The following SEMA6D variants were observed in gnomAD, a reference collection of about 807,000 sequenced individuals.
SEMA6D encodes semaphorin-6D.
A neutral mutation model predicts 106.6 loss-of-function variants in SEMA6D; 35 were observed. That is an observed-to-expected ratio of 0.33 (90% CI 0.25 to 0.44). The LOEUF (loss-of-function observed/expected upper bound fraction) is 0.44. Ranked by LOEUF, SEMA6D falls within the 20% of genes least tolerant of loss-of-function variation. The probability of loss-of-function intolerance (pLI) is 1.00; values close to 1 mark genes in which losing one functional copy is unlikely to be tolerated. For synonymous variants in SEMA6D, 499 were observed against 487.7 expected, an observed-to-expected ratio of 1.02 and a Z score of -0.31; for missense variants, 1,185 against 1,345.9, an observed-to-expected ratio of 0.88 and a Z score of 1.87.
chr15:47,508,491 T>C (rs1022160197), intron 3 of SEMA6D, among the ~76,000 whole-genome samples: 1 of 152,236 alleles, frequency 6.6e-6, no homozygotes, highest in Non-Finnish European at 1.5e-5. Flanking sequence ...TGCCCACATA[T>C]GTAATTCACT....
At chr15:47,654,122 T>C (rs1378316397) in intron 4 of SEMA6D, among the ~76,000 whole-genome samples, 2 of 152,206 alleles carry the variant, frequency 1.3e-5, no homozygotes, top group Non-Finnish European at 2.9e-5. Flanking sequence ...GAAGGGATGA[T>C]GATCATTTTT....
intron 1 of SEMA6D, among the ~76,000 whole-genome samples, chr15:47,277,859 G>A (rs1211255535): frequency 5.4e-5 from 8 of 148,746 alleles, no homozygotes; most frequent in African/African-American, 2.0e-4. Flanking sequence ...GAGAATATGA[G>A]GTGTTTGGTT....
intron 3 of SEMA6D, among the ~76,000 whole-genome samples, chr15:47,587,277 C>T (rs1446959511): frequency 1.3e-5 from 2 of 151,232 alleles, no homozygotes; most frequent in African/African-American, 2.4e-5. Context: ...GTCCCATCAC[C>T]TCCTCTACAC....
At chr15:47,390,053 C>G (rs2039974565) in intron 1 of SEMA6D, among the ~76,000 whole-genome samples, 1 of 152,146 alleles carries the variant, frequency 6.6e-6, no homozygotes, top group Non-Finnish European at 1.5e-5. Context: ...CATAGTAATA[C>G]TGACCGACAA....
intron 1 of SEMA6D, among the ~76,000 whole-genome samples, chr15:47,744,588 G>T (rs2081015395): frequency 6.6e-6 from 1 of 152,120 alleles, no homozygotes; most frequent in Non-Finnish European, 1.5e-5. Flanking sequence ...TGCACCCTCT[G>T]CCATTTCATC....
intron 1 of SEMA6D, among the ~76,000 whole-genome samples, chr15:47,315,859 G>A (rs2036647990): frequency 6.6e-6 from 1 of 151,962 alleles, no homozygotes; most frequent in Non-Finnish European, 1.5e-5. Flanking sequence ...CATTTAAATA[G>A]TATTGCATTT....
chr15:47,347,703 C>T lies in SEMA6D; in HGVS notation c.-238-64690C>T, dbSNP rs186803612. Among the ~76,000 whole-genome samples, 12 of 152,286 alleles carry T rather than the reference C, an allele frequency of 7.9e-5. No individual in the cohort carries two copies. In the East Asian group the frequency reaches 2.3e-3, roughly 29 times the overall value. On this transcript the variant is annotated intron_variant, in intron 1 of 19. Transcript: ENST00000558014. The stretch of plus-strand genomic sequence containing the variant: ...ATATGGAATCTTTTCTATGTCCTGT[C>T]ATTTCCTTCATAATGCCTTTTCCCT...
intron 4 of SEMA6D, among the ~76,000 whole-genome samples, chr15:47,698,515 T>A (rs1210921413): frequency 6.6e-6 from 1 of 152,092 alleles, no homozygotes; most frequent in Non-Finnish European, 1.5e-5. Flanking sequence ...AAATGAAAAA[T>A]GTGTTGATAT....
intron 1 of SEMA6D, among the ~76,000 whole-genome samples, chr15:47,401,460 G>A (rs1357043078): frequency 2.0e-5 from 3 of 152,164 alleles, no homozygotes; most frequent in Non-Finnish European, 4.4e-5. Context: ...AATAAAGCTA[G>A]CAGTGGATAA....
intron 3 of SEMA6D, among the ~76,000 whole-genome samples, chr15:47,482,896 A>G (rs2043192918): frequency 6.6e-6 from 1 of 152,192 alleles, no homozygotes; most frequent in Non-Finnish European, 1.5e-5. Flanking sequence ...AACACTTTCA[A>G]TAAGTGTATA....
intron 1 of SEMA6D, among the ~76,000 whole-genome samples, chr15:47,349,132 G>A (rs1013473181): frequency 2.0e-5 from 3 of 150,596 alleles, no homozygotes. Flanking sequence ...TTTCTACACA[G>A]TATAAACACA....
intron 1 of SEMA6D, among the ~76,000 whole-genome samples, chr15:47,326,163 C>G (rs2037123515): frequency 6.6e-6 from 1 of 152,144 alleles, no homozygotes; most frequent in African/African-American, 2.4e-5. Context: ...GCAATTTTCA[C>G]TAATTTCTTT....
chr15:47,312,344 A>G (rs576667038), intron 1 of SEMA6D, among the ~76,000 whole-genome samples: 12 of 152,290 alleles, frequency 7.9e-5, no homozygotes, highest in African/African-American at 2.4e-4. Flanking sequence ...CACTGCATAT[A>G]TGATTGAGCA....
chr15:47,557,732 C>T, intron 3 of SEMA6D, among the ~76,000 whole-genome samples: 1 of 152,168 alleles, frequency 6.6e-6, no homozygotes, highest in South Asian at 2.1e-4. Context: ...GAATCTACTT[C>T]CTTGTTAAAG....
intron 3 of SEMA6D, among the ~76,000 whole-genome samples, chr15:47,586,813 TTC>T (rs1367774004): frequency 5.3e-5 from 8 of 151,064 alleles, no homozygotes; most frequent in Non-Finnish European, 1.0e-4. Context: ...GTAAAGAAAA[TTC>T]TGTTTCCCTA....
At chr15:47,423,846 T>G (rs2041247221) in intron 2 of SEMA6D, among the ~76,000 whole-genome samples, 1 of 152,042 alleles carries the variant, frequency 6.6e-6, no homozygotes, top group Admixed American at 6.6e-5. Context: ...CCACCAGAGT[T>G]TAGCATTTAC....
intron 1 of SEMA6D, among the ~76,000 whole-genome samples, chr15:47,721,018 G>A (rs890442262): frequency 1.3e-5 from 2 of 152,178 alleles, no homozygotes; most frequent in African/African-American, 4.8e-5. Flanking sequence ...CTTTCTAGAG[G>A]AAGCAAGAAG....
chr15:47,610,365 C>T (rs546112873), intron 4 of SEMA6D, among the ~76,000 whole-genome samples: 37 of 152,202 alleles, frequency 2.4e-4, no homozygotes, highest in African/African-American at 4.8e-5. Context: ...CACATAAGTT[C>T]GACACACATG....
At chr15:47,485,421 C>T (rs913178241) in intron 3 of SEMA6D, among the ~76,000 whole-genome samples, 2 of 151,596 alleles carry the variant, frequency 1.3e-5, no homozygotes, top group Non-Finnish European at 2.9e-5. Context: ...TAACTGACAC[C>T]CACCCCCATT....
Sources: allele counts gnomAD v4.1 joint callset (sites outside exome capture counted in the v4.1 genomes callset), GRCh38; gene constraint gnomAD v4.1.1; transcripts MANE v1.5; gene names NCBI Gene and HGNC (gene_info 2026-07-23, HGNC 2026-07-21).